The following ZC3HAV1 variants were observed in gnomAD, a reference collection of about 807,000 sequenced individuals.
ZC3HAV1 encodes the protein zinc finger CCCH-type antiviral protein 1.
ZC3HAV1 carries 41 observed loss-of-function variants against 86.6 expected under a neutral mutation model. The ratio of observed to expected loss-of-function variants is 0.47; its 90% confidence interval spans 0.37 to 0.61. The LOEUF is 0.61. Among genes scored for constraint, ZC3HAV1 ranks in the 20% least tolerant of loss-of-function variants. ZC3HAV1 has a pLI of 0.00. For missense variants in ZC3HAV1, 964 were observed against 1,141.1 expected (o/e 0.84, Z 2.24); for synonymous variants, 421 against 432.1 (o/e 0.97, Z 0.32).
chr7:139,080,795 G>A (rs1382320938), intron 3 of ZC3HAV1, among the ~76,000 whole-genome samples: 4 of 152,216 alleles, frequency 2.6e-5, no homozygotes, highest in East Asian at 1.9e-4. Context: ...GGTCAATGGA[G>A]AGATAGATTA....
At chr7:139,057,531 C>CTTTTTTTTTTTTTTTTTTTTT (rs1294729334) in intron 9 of ZC3HAV1, among the ~76,000 whole-genome samples, 1 of 78,570 alleles carries the variant, frequency 1.3e-5, no homozygotes. Flanking sequence ...AAAACAATTA[C>CTTTTTTTTTTTTTTTTTTTTT]ATTTTTTTTT....
At chr7:139,049,141 T>TACG (rs559718504) in intron 12 of ZC3HAV1, among the ~76,000 whole-genome samples, 1 of 104,514 alleles carries the variant, frequency 9.6e-6, no homozygotes, top group Admixed American at 8.5e-5. Context: ...TTTTTTTTTT[T>TACG]TTCGTTGTTG....
chr7:139,065,410 C>T (rs1816569565), intron 7 of ZC3HAV1, among the ~76,000 whole-genome samples: 4 of 152,210 alleles, frequency 2.6e-5, no homozygotes, highest in Admixed American at 2.0e-4. Flanking sequence ...TAGCCACGCA[C>T]GGTTTACAGT....
intron 9 of ZC3HAV1, 172 bp downstream of exon 9, chr7:139,060,864 A>C: frequency 6.5e-7 from 1 of 1,531,920 alleles, no homozygotes; most frequent in Non-Finnish European, 8.8e-7. Flanking sequence ...TTTCAGTCAC[A>C]CCATGCTGCT....
At chr7:139,100,897 AG>A (rs1817736953) in intron 1 of ZC3HAV1, among the ~76,000 whole-genome samples, 1 of 151,368 alleles carries the variant, frequency 6.6e-6, no homozygotes, top group African/African-American at 2.4e-5. Flanking sequence ...TGCGGAGCCG[AG>A]GCTGGACTGT....
In ZC3HAV1 at chr7:139,045,564, G is replaced by C. The variant is rs1174992150; in HGVS notation, c.*2030C>G. Reference sequence around the variant, plus strand: ...GATGTTTATCAGGAGGGAGAGGAAGGAGTCAAAGATGACTTCCAGATTTCT... The same window carrying C: ...GATGTTTATCAGGAGGGAGAGGAAGCAGTCAAAGATGACTTCCAGATTTCT... On this transcript the variant is annotated 3_prime_UTR_variant, in exon 13 of 13. Coordinates refer to ENST00000242351, the MANE Select transcript of ZC3HAV1 (RefSeq NM_020119.4). 6.6e-6 allele frequency: 1 copy of C among 152,124 alleles called. No homozygotes were observed. The highest frequency in any genetic ancestry group is 1.5e-5 in the Non-Finnish European group (1 of 68,032). The allele number at this position is 152,124 out of a possible 1,614,324, so 9.4% of individuals were successfully genotyped here.
At chr7:139,093,308 C>T (rs1358733804) in intron 1 of ZC3HAV1, among the ~76,000 whole-genome samples, 2 of 152,126 alleles carry the variant, frequency 1.3e-5, no homozygotes, top group Non-Finnish European at 1.5e-5. Flanking sequence ...TTATTTAAGC[C>T]ACTGTTCCCC....
intron 7 of ZC3HAV1, among the ~76,000 whole-genome samples, chr7:139,072,646 C>T (rs149526289): frequency 0.011 from 1,601 of 152,274 alleles, 27 homozygotes; most frequent in African/African-American, 0.037. Flanking sequence ...AGGCTCTGCT[C>T]ACCTAAACTT....
chr7:139,068,089 T>G (rs2130688597), intron 7 of ZC3HAV1, among the ~76,000 whole-genome samples: 1 of 150,230 alleles, frequency 6.7e-6, no homozygotes, highest in South Asian at 2.1e-4. Flanking sequence ...TCAGTGAGTC[T>G]CTCTCTGTCA....
chr7:139,093,278 A>G (rs1373603497), intron 1 of ZC3HAV1, among the ~76,000 whole-genome samples: 2 of 152,198 alleles, frequency 1.3e-5, no homozygotes, highest in African/African-American at 4.8e-5. Context: ...AACCAAAAAA[A>G]TTTAAATCGG....
chr7:139,080,104 G>T lies in ZC3HAV1; in HGVS notation c.837C>A (p.Ile279=). The change falls in exon 4 of 13, where the codon ATC becomes ATA. Residue 279 remains isoleucine (I), a synonymous_variant. Coordinates refer to ENST00000242351, the MANE Select transcript of ZC3HAV1 (RefSeq NM_020119.4). The part of the protein sequence containing the change: ...ERSCTPSPDQ[I]SHRASLEDAP... ...CGTCCTCCAGGGAAGCCCTGTGGCTGATCTGATCTGGACTAGGTGTGCAGG... is the reference window on the plus strand; with the variant it reads ...CGTCCTCCAGGGAAGCCCTGTGGCTTATCTGATCTGGACTAGGTGTGCAGG... 1 of 1,614,154 alleles carries T rather than the reference G, an allele frequency of 6.2e-7. No individual in the cohort carries two copies. The highest frequency in any genetic ancestry group is 8.5e-7 in the Non-Finnish European group (1 of 1,180,024).
Position 139,108,736 on chromosome 7 carries a change from G to A in ZC3HAV1, c.308+288C>T, listed in dbSNP as rs948850758. Among the ~76,000 whole-genome samples, 2 of 152,224 alleles carry A rather than the reference G, an allele frequency of 1.3e-5. No homozygotes were observed. Among genetic ancestry groups the A allele is most frequent in the South Asian group, 2.1e-4 (1 of 4,832 alleles). ...AGCACTTTATTCTTCTGATTCGTGC[G>A]GGCGGGCGGGGAAAGGGGTGGAGGT... On this transcript the variant is annotated intron_variant, in intron 1 of 12. Transcript: ENST00000242351. The surrounding 1 kb of genome is among the most constrained non-coding windows in gnomAD (Gnocchi z 4.2).
In ZC3HAV1 at chr7:139,061,062, A is replaced by G; in HGVS notation, c.2070T>C (p.Tyr690=). Residue 690 remains tyrosine (Y), a synonymous_variant, in exon 9 of 13, where the codon TAT becomes TAC. Coordinates refer to ENST00000242351, the MANE Select transcript of ZC3HAV1 (RefSeq NM_020119.4). The part of the protein sequence containing the change: ...IRRPTFVPQW[Y]VQQMKRGPDH... ...CTGGCCCTCTCTTCATCTGCTGCAC[A>G]TACCACTGAGGCACAAATGTTGGTC... is the stretch of plus-strand genomic sequence containing the variant. 6.2e-7 allele frequency: 1 copy of G among 1,613,850 alleles called. No homozygotes were observed. The highest frequency in any genetic ancestry group is 8.5e-7 in the Non-Finnish European group (1 of 1,179,970).
At position 139,056,834 on chromosome 7, in the gene ZC3HAV1, C is replaced by T. The variant is rs1447832986; in HGVS notation, c.2097-1539G>A. Among the ~76,000 whole-genome samples the T allele has an allele frequency of 2.0e-5, 3 of 152,124 alleles. No individual in the cohort carries two copies. The East Asian group carries it at 5.8e-4, about 29-fold the overall frequency. On this transcript the variant is annotated intron_variant, in intron 9 of 12. Coordinates refer to ENST00000242351, the MANE Select transcript of ZC3HAV1 (RefSeq NM_020119.4). ...CAGACCCTGCTTAGATACTGATTTG[C>T]AATACCTCAACTCTAAATAGTCATT...
chr7:139,044,903 T>C lies in ZC3HAV1; in HGVS notation c.*2691A>G, dbSNP rs1303218757. On this transcript the variant is annotated 3_prime_UTR_variant, in exon 13 of 13. Transcript: ENST00000242351. Reference sequence around the variant, plus strand: ...CTTTCTCTTATATACAAATAAGTATTGTCATATGCAAAGAAGTTATTGTAT... The same window carrying C: ...CTTTCTCTTATATACAAATAAGTATCGTCATATGCAAAGAAGTTATTGTAT... The C allele has an allele frequency of 6.6e-6, 1 of 152,360 alleles. No individual in the cohort carries two copies. Among genetic ancestry groups the C allele is most frequent in the African/African-American group, 2.4e-5 (1 of 41,462 alleles). The allele number at this position is 152,360 out of a possible 1,614,324, so 9.4% of individuals were successfully genotyped here.
At chr7:139,103,276 T>A (rs925456464) in intron 1 of ZC3HAV1, among the ~76,000 whole-genome samples, 11 of 150,388 alleles carry the variant, frequency 7.3e-5, no homozygotes, top group South Asian at 2.1e-4. Flanking sequence ...TTTTTTTATT[T>A]TTTTTTTATT....
Position 139,084,032 on chromosome 7 carries a change from T to C in ZC3HAV1, c.445A>G (p.Ile149Val), listed in dbSNP as rs1225468278. ...CCCTCTCCCTTATAACTTTTGCATATCTACAGAAGGGAGAAACAACAGCCA... is the reference window on the plus strand; with the variant it reads ...CCCTCTCCCTTATAACTTTTGCATACCTACAGAAGGGAGAAACAACAGCCA... ...LQSDPFFMPE[I>V]CKSYKGEGRQ... The change falls in exon 3 of 13, where the codon ATA becomes GTA. Residue 149 changes from isoleucine to valine, a missense_variant and splice_region_variant. By Grantham distance (29) the Ile-to-Val change is conservative (BLOSUM62 3). Transcript: ENST00000242351. The C allele has an allele frequency of 6.2e-7, 1 of 1,610,456 alleles. No individual in the cohort carries two copies. The highest frequency in any genetic ancestry group is 8.5e-7 in the Non-Finnish European group (1 of 1,177,064).
In ZC3HAV1 at chr7:139,109,688, G is replaced by A. The variant is rs1246131201; in HGVS notation, c.-357C>T. 2 of 223,658 alleles carry A rather than the reference G, an allele frequency of 8.9e-6. No individual in the cohort carries two copies. The highest frequency in any genetic ancestry group is 2.0e-4 in the East Asian group (2 of 9,972). 13.9% of individuals were successfully genotyped at this position (223,658 alleles called of 1,614,324 possible). A position where few individuals can be genotyped will look rare whatever the true frequency, so the allele number is the denominator to read the frequency against. On this transcript the variant is annotated 5_prime_UTR_variant, in exon 1 of 13. Coordinates refer to ENST00000242351, the MANE Select transcript of ZC3HAV1 (RefSeq NM_020119.4). ...GTGAGGTTCTCCAGCCGGGCTCCGC[G>A]AGCCTTCTTTAGAAAGAAGAGAAAC...
chr7:139,073,656 A>G (rs956296022), intron 7 of ZC3HAV1, among the ~76,000 whole-genome samples, 200 bp downstream of exon 7: 1 of 151,844 alleles, frequency 6.6e-6, no homozygotes. Flanking sequence ...ACGCCTGGCT[A>G]ATTTTTGTAT....
Sources: allele counts gnomAD v4.1 joint callset (sites outside exome capture counted in the v4.1 genomes callset), GRCh38; gene constraint gnomAD v4.1.1; non-coding constraint Gnocchi (gnomAD v3.1); transcripts MANE v1.5; gene names NCBI Gene and HGNC (gene_info 2026-07-23, HGNC 2026-07-21).